The following FGF1 variants were observed in gnomAD, a reference collection of about 807,000 sequenced individuals.
The protein encoded by FGF1 is beta-endothelial cell growth factor.
A neutral mutation model predicts 13.4 loss-of-function variants in FGF1; 9 were observed. The observed-to-expected ratio is 0.67, with a 90% CI of 0.40 to 1.17. The LOEUF (loss-of-function observed/expected upper bound fraction) is 1.17. Ranked by LOEUF, FGF1 falls within the 50% of genes most tolerant of loss-of-function variation. FGF1 has a pLI of 0.01. For synonymous variants in FGF1, 93 were observed against 79.0 expected (o/e 1.18, Z -0.94); for missense variants, 156 against 192.7 (o/e 0.81, Z 1.13).
chr5:142,663,498 T>A (rs368482180), intron 1 of FGF1, among the ~76,000 whole-genome samples: 2 of 152,250 alleles, frequency 1.3e-5, no homozygotes, highest in African/African-American at 4.8e-5. Flanking sequence ...AGATCTAATT[T>A]AAGTACAACT....
chr5:142,617,092 T>C (rs777644954), intron 1 of FGF1, among the ~76,000 whole-genome samples: 6 of 152,206 alleles, frequency 3.9e-5, no homozygotes, highest in Non-Finnish European at 8.8e-5. Flanking sequence ...AGGCCAGGTG[T>C]GGTGGCTCAT....
chr5:142,608,539 CATCTATATATATATATATATATATAT>C (rs1208783150), intron 2 of FGF1, among the ~76,000 whole-genome samples: 4 of 72,070 alleles, frequency 5.6e-5, no homozygotes, highest in Admixed American at 2.1e-4. Flanking sequence ...TATATATACA[CATCTATATATATATATATATATATAT>C]ATATATATAT....
At chr5:142,613,782 G>A (rs1243194310) in intron 2 of FGF1, among the ~76,000 whole-genome samples, 177 bp downstream of exon 2, 1 of 152,192 alleles carries the variant, frequency 6.6e-6, no homozygotes, top group African/African-American at 2.4e-5. Flanking sequence ...GCCCCCACAA[G>A]TCCCTATTTT....
upstream of FGF1, among the ~76,000 whole-genome samples, chr5:142,690,369 AC>A (rs377399811): frequency 6.8e-4 from 103 of 152,290 alleles, 1 homozygote; most frequent in African/African-American, 2.4e-3. Flanking sequence ...AAAAAATTTT[AC>A]CTTTACTTAA....
chr5:142,658,907 G>A (rs1442180797), intron 1 of FGF1, among the ~76,000 whole-genome samples: 2 of 152,122 alleles, frequency 1.3e-5, no homozygotes, highest in East Asian at 3.9e-4. Context: ...CCAGTGCCTG[G>A]CATGTGGTAG....
intron 2 of FGF1, among the ~76,000 whole-genome samples, chr5:142,694,014 C>T (rs1307934734): frequency 6.6e-6 from 1 of 150,646 alleles, no homozygotes; most frequent in Non-Finnish European, 1.5e-5. Context: ...GTTCATTTCT[C>T]TTGGGTCTAG....
chr5:142,644,068 C>G (rs770936683), intron 1 of FGF1: 2 of 152,174 alleles, frequency 1.3e-5, no homozygotes, highest in Non-Finnish European at 2.9e-5. Context: ...CAGAATGTCC[C>G]CAGGAGCCCT....
At chr5:142,648,592 C>T (rs931858310) in intron 1 of FGF1, among the ~76,000 whole-genome samples, 16 of 146,564 alleles carry the variant, frequency 1.1e-4, no homozygotes, top group African/African-American at 4.1e-4. Context: ...ACCACCATGG[C>T]ATGTGTATAC....
In FGF1 at chr5:142,641,956, T is replaced by G. The variant is rs78031770; in HGVS notation, c.-34-27795A>C. On this transcript the variant is annotated intron_variant, in intron 1 of 3. Coordinates refer to ENST00000337706, the MANE Select transcript of FGF1 (RefSeq NM_000800.5). ...ACAAATGGAATATGTAAAGAGAATCTTATGAATTTCATGGAGCTGAAAAAT... is the reference window on the plus strand; with the variant it reads ...ACAAATGGAATATGTAAAGAGAATCGTATGAATTTCATGGAGCTGAAAAAT... 6.1e-4 allele frequency among the ~76,000 whole-genome samples: 93 copies of G among 152,350 alleles called. 2 individuals are homozygous for G. The East Asian group carries it at 0.014, about 22-fold the overall frequency.
At chr5:142,598,374 C>T (rs980123066) in intron 3 of FGF1, among the ~76,000 whole-genome samples, 1 of 152,204 alleles carries the variant, frequency 6.6e-6, no homozygotes, top group Non-Finnish European at 1.5e-5. Context: ...TCATTATGCA[C>T]TTGGTACAAT....
At chr5:142,697,388 G>A (rs1195417942) in intron 2 of FGF1, among the ~76,000 whole-genome samples, 1 of 152,150 alleles carries the variant, frequency 6.6e-6, no homozygotes, top group Non-Finnish European at 1.5e-5. Flanking sequence ...TCCCCACTAA[G>A]AACCAGACCT....
intron 1 of FGF1, among the ~76,000 whole-genome samples, chr5:142,648,282 T>TA (rs17223346): frequency 2.0e-5 from 3 of 150,924 alleles, no homozygotes; most frequent in Non-Finnish European, 4.4e-5. Context: ...ATAGACTGGA[T>TA]AAAAAAAAAT....
chr5:142,632,061 A>G (rs115436570), intron 1 of FGF1, among the ~76,000 whole-genome samples: 5,001 of 152,206 alleles, frequency 0.033, 117 homozygotes, highest in African/African-American at 0.067. Flanking sequence ...GATTACAAGC[A>G]CGAGCCACCA....
At chr5:142,613,368 C>T (rs1759492038) in intron 2 of FGF1, among the ~76,000 whole-genome samples, 1 of 152,256 alleles carries the variant, frequency 6.6e-6, no homozygotes, top group Non-Finnish European at 1.5e-5. Context: ...GCGCTAGTCG[C>T]TCCTACTCTC....
At position 142,595,357 on chromosome 5, in the gene FGF1, C is replaced by G. The variant is rs145843967; in HGVS notation, c.401G>C (p.Arg134Pro). 129 of 1,613,928 alleles carry G rather than the reference C, an allele frequency of 8.0e-5. No homozygotes were observed. Among genetic ancestry groups the G allele is most frequent in the Non-Finnish European group, 1.1e-4 (124 of 1,179,946 alleles). The change falls in exon 4 of 4, where the codon CGC (arginine) becomes CCC (proline). Residue 134 changes from arginine to proline, a missense_variant. Physicochemically the swap from Arg to Pro is moderately radical, Grantham distance 103. Coordinates refer to ENST00000337706, the MANE Select transcript of FGF1 (RefSeq NM_000800.5). ...CTGGCCATAGTGAGTCCGAGGACCG[C>G]GTTTGCAGCTCCCATTCTTCTTGAG... The part of the protein sequence containing the change: ...VGLKKNGSCK[R>P]GPRTHYGQKA...
At chr5:142,625,936 G>C (rs1317911610) in intron 1 of FGF1, among the ~76,000 whole-genome samples, 1 of 152,152 alleles carries the variant, frequency 6.6e-6, no homozygotes, top group Non-Finnish European at 1.5e-5. Flanking sequence ...AGCTTCTCCA[G>C]ATGCAGTCTT....
chr5:142,600,380 A>G (rs1258706878), intron 3 of FGF1, among the ~76,000 whole-genome samples: 1 of 152,184 alleles, frequency 6.6e-6, no homozygotes, highest in Non-Finnish European at 1.5e-5. Flanking sequence ...AAAAAGAAAG[A>G]AAAACATTTT....
chr5:142,625,602 G>A (rs932388550), intron 1 of FGF1, among the ~76,000 whole-genome samples: 3 of 152,090 alleles, frequency 2.0e-5, no homozygotes, highest in African/African-American at 7.2e-5. Context: ...CAAACCATCC[G>A]GCCGGCCCTG....
chr5:142,660,216 C>T (rs1010890638), intron 1 of FGF1, among the ~76,000 whole-genome samples: 1 of 152,252 alleles, frequency 6.6e-6, no homozygotes, highest in African/African-American at 2.4e-5. Flanking sequence ...AAAGCTCTGT[C>T]CTTCAGCTCC....
Sources: gnomAD v4.1 joint callset for allele counts (sites outside exome capture counted in the v4.1 genomes callset) on GRCh38, gnomAD v4.1.1 for gene constraint, MANE v1.5 for transcripts, NCBI Gene and HGNC (gene_info 2026-07-23, HGNC 2026-07-21) for gene names.